The following ELP3 variants were observed in gnomAD, a reference collection of about 807,000 sequenced individuals.
ELP3 encodes elongator acetyltransferase complex subunit 3, also known as elongator complex protein 3.
ELP3 carries 56 observed loss-of-function variants against 74.9 expected under a neutral mutation model. The ratio of observed to expected loss-of-function variants is 0.75; its 90% confidence interval spans 0.60 to 0.93. The LOEUF (loss-of-function observed/expected upper bound fraction) is 0.93, where lower values mean the gene tolerates loss of function less well. Among genes scored for constraint, ELP3 ranks in the 40% least tolerant of loss-of-function variants. The pLI is 0.00. For synonymous variants in ELP3, 222 were observed against 239.8 expected (o/e 0.93, Z 0.68); for missense variants, 573 against 686.5 (o/e 0.83, Z 1.85).
intron 14 of ELP3, among the ~76,000 whole-genome samples, chr8:28,184,855 C>T (rs534357132): frequency 1.3e-5 from 2 of 152,046 alleles, no homozygotes; most frequent in East Asian, 3.9e-4. Flanking sequence ...TCTAAGTTCA[C>T]GTGAGTAGAA....
intron 10 of ELP3, among the ~76,000 whole-genome samples, chr8:28,141,103 C>T (rs991768818): frequency 6.6e-6 from 1 of 152,212 alleles, no homozygotes; most frequent in Admixed American, 6.5e-5. Context: ...CTAGAACCAA[C>T]TACCGACTGT....
chr8:28,116,397 G>A (rs1002782378), intron 7 of ELP3, among the ~76,000 whole-genome samples: 1 of 152,098 alleles, frequency 6.6e-6, no homozygotes, highest in Non-Finnish European at 1.5e-5. Context: ...GTCTTACAGG[G>A]GCTTTAGTAA....
chr8:28,107,163 G>C (rs144207400), intron 4 of ELP3, among the ~76,000 whole-genome samples: 3 of 152,292 alleles, frequency 2.0e-5, no homozygotes, highest in Middle Eastern at 3.4e-3. Flanking sequence ...CAGGAGAATC[G>C]TTTAAACCTG....
intron 7 of ELP3, among the ~76,000 whole-genome samples, chr8:28,118,105 C>T (rs1812209325): frequency 6.6e-6 from 1 of 152,142 alleles, no homozygotes; most frequent in Admixed American, 6.5e-5. Context: ...TTTGTTTTTG[C>T]TTGCTGACTA....
chr8:28,134,766 C>A (rs1204271274), intron 9 of ELP3, among the ~76,000 whole-genome samples: 1 of 152,160 alleles, frequency 6.6e-6, no homozygotes, highest in Non-Finnish European at 1.5e-5. Context: ...TTTCTTATCT[C>A]TCTGAAGAAA....
intron 14 of ELP3, among the ~76,000 whole-genome samples, chr8:28,178,347 T>C (rs1303511523): frequency 6.6e-6 from 1 of 152,222 alleles, no homozygotes; most frequent in Non-Finnish European, 1.5e-5. Flanking sequence ...GAAGTGCCTC[T>C]GTTGGCCCTT....
intron 2 of ELP3, among the ~76,000 whole-genome samples, chr8:28,098,181 G>A (rs576819668): frequency 6.6e-6 from 1 of 151,814 alleles, no homozygotes; most frequent in African/African-American, 2.4e-5. Flanking sequence ...TCAAATAAGA[G>A]TTGTCTTTCA....
chr8:28,146,390 A>C (rs1396724546), intron 10 of ELP3, among the ~76,000 whole-genome samples: 1 of 151,218 alleles, frequency 6.6e-6, no homozygotes, highest in Non-Finnish European at 1.5e-5. Context: ...AACTGCAGAC[A>C]AAAAAAGGCC....
intron 10 of ELP3, among the ~76,000 whole-genome samples, chr8:28,143,056 C>G (rs1457677588): frequency 2.0e-5 from 3 of 152,166 alleles, no homozygotes; most frequent in Non-Finnish European, 4.4e-5. Context: ...CCTTTTTACT[C>G]ATTTCTTTGT....
upstream of ELP3, among the ~76,000 whole-genome samples, chr8:28,090,882 G>A (rs141219389): frequency 2.7e-3 from 402 of 150,842 alleles, 3 homozygotes; most frequent in African/African-American, 9.4e-3. Context: ...AGGCTTCAGA[G>A]AGAATAGATT....
chr8:28,092,265 C>G (rs140962927), upstream of ELP3, among the ~76,000 whole-genome samples: 153 of 152,262 alleles, frequency 1.0e-3, 2 homozygotes, highest in Admixed American at 9.1e-3. Flanking sequence ...GGGTCTCGCT[C>G]TGTCGTCTAG....
intron 6 of ELP3, 118 bp downstream of exon 6, chr8:28,110,556 G>A: frequency 1.1e-6 from 1 of 904,400 alleles, no homozygotes; most frequent in South Asian, 1.7e-5. Flanking sequence ...TTTCCTCTTT[G>A]TAAGTTTTCA....
intron 7 of ELP3, among the ~76,000 whole-genome samples, chr8:28,120,450 T>A (rs942524259): frequency 6.6e-6 from 1 of 152,252 alleles, no homozygotes; most frequent in African/African-American, 2.4e-5. Context: ...TAGCTGCCAG[T>A]CCTTTGTCAG....
At chr8:28,109,778 T>C (rs1025512034) in intron 5 of ELP3, among the ~76,000 whole-genome samples, 1 of 152,236 alleles carries the variant, frequency 6.6e-6, no homozygotes, top group Admixed American at 6.5e-5. Flanking sequence ...TATGGCATCA[T>C]GTTGGCACTC....
At chr8:28,095,569 A>G (rs1445920600) in intron 1 of ELP3, among the ~76,000 whole-genome samples, 28 of 152,202 alleles carry the variant, frequency 1.8e-4, no homozygotes. Context: ...CTTTGAGTAT[A>G]GATGGACTTT....
chr8:28,102,223 A>G (rs1811518034), intron 3 of ELP3, among the ~76,000 whole-genome samples: 1 of 152,194 alleles, frequency 6.6e-6, no homozygotes. Flanking sequence ...TCAGTTAGGC[A>G]TCTGTCCTTT....
intron 6 of ELP3, 165 bp downstream of exon 6, chr8:28,110,603 G>A (rs1811878561): frequency 3.4e-6 from 2 of 591,594 alleles, no homozygotes; most frequent in Admixed American, 3.4e-5. Flanking sequence ...GCCATGCCTA[G>A]CAAGGTCAAA....
rs947926380 is a variant in ELP3 at position 28,147,013 on chromosome 8, C to G, written c.1101-8929C>G. On this transcript the variant is annotated intron_variant, in intron 10 of 14. Transcript: ENST00000256398. This position sits in a 1 kb window ranked among gnomAD's most constrained non-coding sequence, Gnocchi z 4.5. Reference sequence around the variant, plus strand: ...ACCCATGCAGTCTCATAGGGTCTTGCACTTGGCTTAATATTCTGCTGTCAC... The same window carrying G: ...ACCCATGCAGTCTCATAGGGTCTTGGACTTGGCTTAATATTCTGCTGTCAC... Among the ~76,000 whole-genome samples the G allele has an allele frequency of 3.3e-5, 5 of 152,112 alleles. No individual in the cohort carries two copies. Among genetic ancestry groups the G allele is most frequent in the African/African-American group, 1.2e-4 (5 of 41,408 alleles).
At position 28,191,122 on chromosome 8, in the gene ELP3, G is replaced by A. The variant is rs1300005199; in HGVS notation, c.*1397G>A. ...TTAAAGGAATTGATTCCTCTGAAAGGGCCTGAAAATAAAAAGTCTTTAACA... is the reference window on the plus strand; with the variant it reads ...TTAAAGGAATTGATTCCTCTGAAAGAGCCTGAAAATAAAAAGTCTTTAACA... On this transcript the variant is annotated 3_prime_UTR_variant, in exon 15 of 15. Coordinates refer to ENST00000256398, the MANE Select transcript of ELP3 (RefSeq NM_018091.6). 2.0e-5 allele frequency: 3 copies of A among 152,130 alleles called. No homozygotes were observed. The highest frequency in any genetic ancestry group is 1.3e-4 in the Admixed American group (2 of 15,266). 9.4% of individuals were successfully genotyped at this position (152,130 alleles called of 1,614,324 possible).
Sources: gnomAD v4.1 joint callset for allele counts (sites outside exome capture counted in the v4.1 genomes callset) on GRCh38, gnomAD v4.1.1 for gene constraint, Gnocchi (gnomAD v3.1) non-coding constraint, MANE v1.5 for transcripts, NCBI Gene and HGNC (gene_info 2026-07-23, HGNC 2026-07-21) for gene names.